The following RYR3 variants were observed in gnomAD, a reference collection of about 807,000 sequenced individuals.
RYR3 encodes the protein ryanodine receptor 3, also known as brain ryanodine receptor-calcium release channel.
Under a neutral mutation model 584.3 loss-of-function variants are expected in RYR3, and 207 were observed. The ratio of observed to expected loss-of-function variants is 0.35; its 90% CI spans 0.32 to 0.40. The LOEUF is 0.40. Ranked by LOEUF, RYR3 falls within the 10% of genes least tolerant of loss-of-function variation. The pLI is 1.00. For synonymous variants in RYR3, 2,416 were observed against 2,248.5 expected, an observed-to-expected ratio of 1.07 and a Z score of -2.11; for missense variants, 5,616 against 6,089.2, an observed-to-expected ratio of 0.92 and a Z score of 2.59.
intron 74 of RYR3, chr15:33,813,806 C>T (rs2076668571): frequency 4.7e-6 from 2 of 423,280 alleles, no homozygotes; most frequent in African/African-American, 4.0e-5. Flanking sequence ...TCAGGCTCAC[C>T]ATTTGTACCC....
rs115876682 is a variant in RYR3 at position 33,476,419 on chromosome 15, A to G, written c.171+2881A>G. On this transcript the variant is annotated intron_variant, in intron 2 of 103. Coordinates refer to ENST00000634891, the MANE Select transcript of RYR3 (RefSeq NM_001036.6). ...AGACTGAAGAATTTTAAAAAGAGAT[A>G]CATGTCATCCATAATTTTACCACTT... Among the ~76,000 whole-genome samples, 778 of 152,338 alleles carry G rather than the reference A, an allele frequency of 5.1e-3. 8 individuals are homozygous for G. The highest frequency in any genetic ancestry group is 0.018 in the African/African-American group (742 of 41,568).
intron 13 of RYR3, 113 bp downstream of exon 13, chr15:33,580,257 G>A: frequency 1.2e-6 from 1 of 861,456 alleles, no homozygotes; most frequent in Non-Finnish European, 1.7e-6. Flanking sequence ...GAGAGCCAGA[G>A]GACAAGAGAG....
At chr15:33,653,054 G>C (rs948865019) in intron 32 of RYR3, among the ~76,000 whole-genome samples, 171 bp downstream of exon 32, 1 of 152,196 alleles carries the variant, frequency 6.6e-6, no homozygotes, top group Non-Finnish European at 1.5e-5. Context: ...TTACTTCATT[G>C]TATGCAGAGA....
intron 20 of RYR3, among the ~76,000 whole-genome samples, chr15:33,627,599 A>G (rs1041601061): frequency 1.3e-5 from 2 of 152,202 alleles, no homozygotes; most frequent in Admixed American, 6.5e-5. Context: ...GAGAATTTCA[A>G]GAAGTTTGAA....
chr15:33,738,106 C>T (rs1488216860), intron 49 of RYR3, among the ~76,000 whole-genome samples: 4 of 152,160 alleles, frequency 2.6e-5, no homozygotes, highest in African/African-American at 7.2e-5. Context: ...TATTTCCACC[C>T]CTGACTGGCT....
At chr15:33,475,286 G>A (rs369047716) in intron 2 of RYR3, among the ~76,000 whole-genome samples, 19 of 152,162 alleles carry the variant, frequency 1.2e-4, no homozygotes, top group African/African-American at 4.1e-4. Context: ...GTCATCCATC[G>A]AGTAGGGTAT....
At chr15:33,631,964 C>T (rs1482884377) in intron 23 of RYR3, among the ~76,000 whole-genome samples, 1 of 152,236 alleles carries the variant, frequency 6.6e-6, no homozygotes, top group Non-Finnish European at 1.5e-5. Flanking sequence ...CACTCTCACA[C>T]ACGCAACTCC....
In RYR3 at chr15:33,721,255, C is replaced by A. The variant is rs115591265; in HGVS notation, c.6620-1460C>A. ...CCCAACATCCAGTATGCAACTGAGG[C>A]CTCTTGCCAACAGCTGTGTGAGTGA... On this transcript the variant is annotated intron_variant, in intron 43 of 103. Transcript: ENST00000634891. 9.4e-3 allele frequency among the ~76,000 whole-genome samples: 1,434 copies of A among 152,256 alleles called. 20 individuals carry two copies. The highest frequency in any genetic ancestry group is 0.033 in the African/African-American group (1,371 of 41,528).
chr15:33,860,993 C>A, intron 101 of RYR3, 85 bp from the exon 102 acceptor site: 1 of 1,068,616 alleles, frequency 9.4e-7, no homozygotes, highest in South Asian at 1.4e-5. Flanking sequence ...TTTTCATTAT[C>A]CTTCAATTCG....
chr15:33,748,538 C>T lies in RYR3; in HGVS notation c.8199+8C>T, dbSNP rs772098720. 8 of 1,609,852 alleles carry T rather than the reference C, an allele frequency of 5.0e-6. No homozygotes were observed. Among genetic ancestry groups the T allele is most frequent in the South Asian group, 2.2e-5 (2 of 90,302 alleles). On this transcript the variant is annotated splice_region_variant and intron_variant, in intron 55 of 103. Coordinates refer to ENST00000634891, the MANE Select transcript of RYR3 (RefSeq NM_001036.6). The stretch of plus-strand genomic sequence containing the variant: ...CTCTCCAGAGAGCTCCAGGTCAGTG[C>T]CCCAGGTCCAGCATGACTTGCTTTC...
chr15:33,565,611 T>C (rs1228167988), intron 11 of RYR3, among the ~76,000 whole-genome samples: 1 of 139,622 alleles, frequency 7.2e-6, no homozygotes. Context: ...TATGTTGACA[T>C]GTAGACTTCC....
chr15:33,569,640 G>T (rs2057912963), intron 12 of RYR3, among the ~76,000 whole-genome samples: 1 of 152,048 alleles, frequency 6.6e-6, no homozygotes, highest in Non-Finnish European at 1.5e-5. Flanking sequence ...ATTCAATTGG[G>T]TATGTTTCAC....
intron 2 of RYR3, 31 bp from the exon 3 acceptor site, chr15:33,503,600 A>T: frequency 7.9e-7 from 1 of 1,268,110 alleles, no homozygotes; most frequent in Non-Finnish European, 1.1e-6. Context: ...TGATATGAGT[A>T]GGTATCCTCA....
rs139335889 is a variant in RYR3 at position 33,637,367 on chromosome 15, A to G, written c.3556+817A>G. ...ATGTTCTTCCCAGATATAAAATTCA[A>G]CGGCAGTGACTTAACACCTGCTGTG... On this transcript the variant is annotated intron_variant, in intron 27 of 103. Transcript: ENST00000634891. 4.6e-5 allele frequency among the ~76,000 whole-genome samples: 7 copies of G among 152,328 alleles called. No individual in the cohort carries two copies. In the East Asian group the frequency reaches 1.4e-3, roughly 29 times the overall value.
chr15:33,805,434 CCT>C (rs1161954803), intron 69 of RYR3, among the ~76,000 whole-genome samples: 2 of 151,506 alleles, frequency 1.3e-5, no homozygotes, highest in Non-Finnish European at 2.9e-5. Flanking sequence ...GCTCATTCTC[CCT>C]CTTTCATTCC....
At chr15:33,605,569 C>T (rs1292694935) in intron 18 of RYR3, among the ~76,000 whole-genome samples, 2 of 152,174 alleles carry the variant, frequency 1.3e-5, no homozygotes, top group African/African-American at 4.8e-5. Flanking sequence ...CCTCAGTCTC[C>T]AGCATCTGAT....
intron 94 of RYR3, 55 bp downstream of exon 94, chr15:33,848,476 G>T: frequency 6.5e-7 from 1 of 1,545,872 alleles, no homozygotes; most frequent in South Asian, 1.2e-5. Flanking sequence ...ACTGTAAATA[G>T]AGTAACTCTT....
At chr15:33,623,455 A>G (rs1482572848) in intron 19 of RYR3, among the ~76,000 whole-genome samples, 1 of 152,238 alleles carries the variant, frequency 6.6e-6, no homozygotes, top group African/African-American at 2.4e-5. Flanking sequence ...TGATCTTTAC[A>G]GAGAATAATC....
chr15:33,555,386 A>T (rs1317395629), intron 10 of RYR3, among the ~76,000 whole-genome samples: 1 of 152,234 alleles, frequency 6.6e-6, no homozygotes, highest in Non-Finnish European at 1.5e-5. Flanking sequence ...GAAAATACGG[A>T]TAGTAAGATT....
Sources: gnomAD v4.1 joint callset for allele counts (sites outside exome capture counted in the v4.1 genomes callset) on GRCh38, gnomAD v4.1.1 for gene constraint, MANE v1.5 for transcripts, NCBI Gene and HGNC (gene_info 2026-07-23, HGNC 2026-07-21) for gene names.